Variants in PCDHGB5 observed in about 807,000 individuals in gnomAD.
The protein encoded by PCDHGB5 is protocadherin gamma-B5.
PCDHGB5 carries 48 observed loss-of-function variants against 62.9 expected under a neutral mutation model. The ratio of observed to expected loss-of-function variants is 0.76; its 90% CI spans 0.61 to 0.97. The LOEUF (loss-of-function observed/expected upper bound fraction) is 0.97, where lower values mean the gene tolerates loss of function less well. Among genes scored for constraint, PCDHGB5 ranks in the 50% least tolerant of loss-of-function variants. The probability of loss-of-function intolerance (pLI) is 0.00; values close to 1 mark genes in which losing one functional copy is unlikely to be tolerated. For synonymous variants in PCDHGB5, 474 were observed against 511.2 expected (o/e 0.93, Z 0.98); for missense variants, 1,118 against 1,198.6 (o/e 0.93, Z 0.99).
chr5:141,506,398 A>T (rs902405970), intron 3 of PCDHGB5, among the ~76,000 whole-genome samples: 6 of 151,394 alleles, frequency 4.0e-5, no homozygotes, highest in Admixed American at 2.6e-4. Context: ...GTGAGCAGAA[A>T]ATCGCACCAC....
chr5:141,437,938 A>G (rs1042890704), intron 1 of PCDHGB5, among the ~76,000 whole-genome samples: 4 of 152,132 alleles, frequency 2.6e-5, no homozygotes, highest in African/African-American at 9.7e-5. Flanking sequence ...GGGTTTCACC[A>G]TATTGGCCAG....
In PCDHGB5 at chr5:141,486,001, C is replaced by T. The variant is rs771993915; in HGVS notation, c.2398-8806C>T. ...ACCCGGACCTGGGTCCCAGTGGTAA[C>T]GTCACCTTTTATTTCAGTGGTCATA... On this transcript the variant is annotated intron_variant, in intron 1 of 3. Coordinates refer to ENST00000617380, the MANE Select transcript of PCDHGB5 (RefSeq NM_018925.3). This position sits in a 1 kb window ranked among gnomAD's most constrained non-coding sequence, Gnocchi z 5.0. The T allele has an allele frequency of 2.5e-6, 4 of 1,614,076 alleles. No homozygotes were observed. The highest frequency in any genetic ancestry group is 8.5e-7 in the Non-Finnish European group (1 of 1,180,032).
intron 1 of PCDHGB5, chr5:141,440,564 A>T (rs531383065): frequency 1.3e-5 from 2 of 152,248 alleles, no homozygotes; most frequent in Non-Finnish European, 2.9e-5. Context: ...TAAGTTACGT[A>T]TCTCTGAGTT....
At chr5:141,458,459 A>G (rs1232004043) in intron 1 of PCDHGB5, among the ~76,000 whole-genome samples, 1 of 152,006 alleles carries the variant, frequency 6.6e-6, no homozygotes, top group African/African-American at 2.4e-5. Flanking sequence ...AATTTTTAAA[A>G]TACCGTACAA....
In PCDHGB5 at chr5:141,490,000, A is replaced by G. The variant is rs762999106; in HGVS notation, c.2398-4807A>G. The G allele has an allele frequency of 6.2e-7, 1 of 1,614,198 alleles. No individual in the cohort carries two copies. Among genetic ancestry groups the G allele is most frequent in the Admixed American group, 1.7e-5 (1 of 60,032 alleles). ...AGTTCTACGTGTGGGAATCCCAGAG[A>G]ATGCACCCATTGGTACTCTGCTGCT... On this transcript the variant is annotated intron_variant, in intron 1 of 3. Coordinates refer to ENST00000617380, the MANE Select transcript of PCDHGB5 (RefSeq NM_018925.3). The surrounding 1 kb of genome is among the most constrained non-coding windows in gnomAD (Gnocchi z 4.5).
At chr5:141,505,538 T>C in intron 3 of PCDHGB5, 57 bp downstream of exon 3, 1 of 1,610,262 alleles carries the variant, frequency 6.2e-7, no homozygotes, top group Non-Finnish European at 8.5e-7. Context: ...CTGGGGTGCA[T>C]CTCACAGCCA....
chr5:141,415,304 C>A, intron 1 of PCDHGB5: 1 of 1,614,188 alleles, frequency 6.2e-7, no homozygotes, highest in Non-Finnish European at 8.5e-7. Context: ...GTCTTCCTGG[C>A]CTTCGTCATC....
intron 1 of PCDHGB5, among the ~76,000 whole-genome samples, chr5:141,437,723 G>A (rs2097904411): frequency 6.6e-6 from 1 of 150,736 alleles, no homozygotes; most frequent in South Asian, 2.1e-4. Context: ...ACCCTCTAAT[G>A]TTACACTTTG....
At chr5:141,414,439 T>A in intron 1 of PCDHGB5, 1 of 1,613,874 alleles carries the variant, frequency 6.2e-7, no homozygotes, top group East Asian at 2.2e-5. Context: ...GGTATCCTCT[T>A]ACAATATCAC....
intron 1 of PCDHGB5, among the ~76,000 whole-genome samples, chr5:141,439,532 C>T (rs1030997598): frequency 6.6e-6 from 1 of 152,202 alleles, no homozygotes; most frequent in Admixed American, 6.5e-5. Context: ...CTACAGAACG[C>T]TGTCCTCTCA....
At position 141,399,206 on chromosome 5, in the gene PCDHGB5, C is replaced by T. The variant is rs2093769623; in HGVS notation, c.1079C>T (p.Thr360Ile). 2 of 1,613,908 alleles carry T rather than the reference C, an allele frequency of 1.2e-6. No individual in the cohort carries two copies. The highest frequency in any genetic ancestry group is 2.2e-5 in the South Asian group (2 of 91,080). Residue 360 changes from threonine (T) to isoleucine (I), a missense_variant, in exon 1 of 4, where the codon ACA becomes ATA. Thr to Ile is a moderately conservative substitution (Grantham distance 89). Transcript: ENST00000617380. ...EMILENAVPG[T>I]LIALIKIHDQ... ...ATTCTGGAAAACGCGGTGCCTGGAA[C>T]ACTAATTGCTTTGATCAAAATACAT...
chr5:141,477,867 C>CGGT lies in PCDHGB5; in HGVS notation c.2398-16940_2398-16939insGGT. On this transcript the variant is annotated intron_variant, in intron 1 of 3. Transcript: ENST00000617380. This position sits in a 1 kb window ranked among gnomAD's most constrained non-coding sequence, Gnocchi z 4.9. ...TCGGTGGAGATGCTGCCTCGAGGTA[C>CGGT]CTCAGCTGGCCACCTAGTGTCACGG... 6.2e-7 allele frequency: 1 copy of CGGT among 1,613,614 alleles called. No homozygotes were observed. Among genetic ancestry groups the CGGT allele is most frequent in the Non-Finnish European group, 8.5e-7 (1 of 1,179,854 alleles).
At chr5:141,427,824 G>A (rs1298494092) in intron 1 of PCDHGB5, 5 of 1,535,458 alleles carry the variant, frequency 3.3e-6, no homozygotes, top group African/African-American at 1.4e-5. Flanking sequence ...GGTGGTGGTC[G>A]CGCAGCGTGC....
chr5:141,473,116 G>A (rs966472502), intron 1 of PCDHGB5, among the ~76,000 whole-genome samples: 19 of 152,114 alleles, frequency 1.2e-4, no homozygotes, highest in African/African-American at 4.6e-4. Context: ...ACTTTACTTG[G>A]CTCTTTGGCA....
At chr5:141,448,359 CTTTA>C in intron 1 of PCDHGB5, among the ~76,000 whole-genome samples, 1 of 152,074 alleles carries the variant, frequency 6.6e-6, no homozygotes, top group East Asian at 1.9e-4. Context: ...TAGTAGTTTT[CTTTA>C]TTTTATTTTT....
At chr5:141,435,994 G>T (rs1007093302) in intron 1 of PCDHGB5, among the ~76,000 whole-genome samples, 18 of 152,046 alleles carry the variant, frequency 1.2e-4, no homozygotes, top group Admixed American at 1.2e-3. Context: ...GTGATTTTTT[G>T]AAAGAAAGTA....
intron 1 of PCDHGB5, chr5:141,405,178 T>C (rs769150671): frequency 3.1e-6 from 5 of 1,613,890 alleles, no homozygotes; most frequent in African/African-American, 2.7e-5. Flanking sequence ...ACTTTGTGGG[T>C]GTAGATGGGG....
At chr5:141,505,336 G>T in intron 2 of PCDHGB5, 57 bp from the exon 3 acceptor site, 2 of 1,611,372 alleles carry the variant, frequency 1.2e-6, no homozygotes, top group Non-Finnish European at 1.7e-6. Context: ...GAGGACAGGA[G>T]GGGCATGAGC....
At chr5:141,482,888 A>G (rs1012212528) in intron 1 of PCDHGB5, among the ~76,000 whole-genome samples, 3 of 152,208 alleles carry the variant, frequency 2.0e-5, no homozygotes, top group African/African-American at 7.2e-5. Context: ...CCTGGCCAAC[A>G]TGGTGAAACC....
Sources: gnomAD v4.1 joint callset for allele counts (sites outside exome capture counted in the v4.1 genomes callset) on GRCh38, gnomAD v4.1.1 for gene constraint, Gnocchi (gnomAD v3.1) non-coding constraint, MANE v1.5 for transcripts, NCBI Gene and HGNC (gene_info 2026-07-23, HGNC 2026-07-21) for gene names.